Variants in ACCSL observed in about 807,000 individuals in gnomAD.
ACCSL encodes the protein probable inactive 1-aminocyclopropane-1-carboxylate synthase-like protein 2.
Under a neutral mutation model 61.7 loss-of-function variants are expected in ACCSL, and 55 were observed. The observed-to-expected ratio is 0.89, with a 90% CI of 0.72 to 1.12. The LOEUF (loss-of-function observed/expected upper bound fraction) is 1.12. Ranked by LOEUF, ACCSL falls within the 50% of genes most tolerant of loss-of-function variation. ACCSL has a pLI of 0.00. For missense variants in ACCSL, 632 were observed against 698.0 expected (o/e 0.91, Z 1.07); for synonymous variants, 258 against 264.3 (o/e 0.98, Z 0.23).
the ACCSL span, chr11:43,942,360 T>C: frequency 4.7e-6 from 1 of 211,640 alleles, no homozygotes; most frequent in South Asian, 4.8e-5. Context: ...GTCGCGGCGA[T>C]TGAGGGTCCC....
chr11:43,933,320 C>T, the ACCSL span: 1 of 366,914 alleles, frequency 2.7e-6, no homozygotes, highest in South Asian at 2.0e-5. Flanking sequence ...GTCAGATGGA[C>T]CTAGTCCAGA....
At chr11:44,003,822 T>G in the ACCSL span, among the ~76,000 whole-genome samples, 1 of 152,170 alleles carries the variant, frequency 6.6e-6, no homozygotes, top group East Asian at 1.9e-4. Context: ...GAGCCTGACC[T>G]GACTGCTGCC....
intron 3 of ACCSL, 115 bp from the exon 4 acceptor site, chr11:44,051,220 A>C: frequency 1.0e-6 from 1 of 994,936 alleles, no homozygotes; most frequent in Non-Finnish European, 1.6e-6. Flanking sequence ...GTAGCCCTGT[A>C]ATATGAGGTT....
At position 44,059,942 on chromosome 11, in the gene ACCSL, A is replaced by C. The variant is rs1952697638; in HGVS notation, c.*22A>C. 4 of 1,610,610 alleles carry C rather than the reference A, an allele frequency of 2.5e-6. No individual in the cohort carries two copies. The highest frequency in any genetic ancestry group is 3.4e-6 in the Non-Finnish European group (4 of 1,177,476). The stretch of plus-strand genomic sequence containing the variant: ...GTAGGCCGTCTGCCTCCCAACCAGC[A>C]GTTCCAGCCCATCACTTGCTCAGGG... On this transcript the variant is annotated 3_prime_UTR_variant, in exon 14 of 14. Coordinates refer to ENST00000378832, the MANE Select transcript of ACCSL (RefSeq NM_001031854.2).
chr11:43,981,683 G>A, the ACCSL span, among the ~76,000 whole-genome samples: 1 of 152,166 alleles, frequency 6.6e-6, no homozygotes, highest in African/African-American at 2.4e-5. Flanking sequence ...AGGCCCAGAA[G>A]GCCACCTGGG....
intron 2 of ACCSL, 71 bp from the exon 3 acceptor site, chr11:44,050,481 C>A: frequency 7.2e-7 from 1 of 1,382,452 alleles, no homozygotes; most frequent in Non-Finnish European, 1.0e-6. Context: ...CACTCATGTA[C>A]AAACTAGGAG....
At chr11:44,001,219 A>G in the ACCSL span, 1 of 152,122 alleles carries the variant, frequency 6.6e-6, no homozygotes, top group African/African-American at 2.4e-5. Flanking sequence ...CAAGGTGGAA[A>G]CCGGGAACAA....
At chr11:44,010,975 A>G in the ACCSL span, among the ~76,000 whole-genome samples, 1 of 152,224 alleles carries the variant, frequency 6.6e-6, no homozygotes, top group African/African-American at 2.4e-5. Context: ...GCTGGGACAT[A>G]AAAGTCCAAA....
At chr11:44,022,811 T>G in the ACCSL span, among the ~76,000 whole-genome samples, 68 of 152,282 alleles carry the variant, frequency 4.5e-4, 1 homozygote, top group South Asian at 6.6e-3. Flanking sequence ...TTGTGATCGC[T>G]TTGTCTGGCT....
the ACCSL span, among the ~76,000 whole-genome samples, chr11:43,928,553 C>T: frequency 1.3e-5 from 2 of 152,148 alleles, no homozygotes; most frequent in South Asian, 2.1e-4. Flanking sequence ...CTCTGCCAGC[C>T]GCCAGGAGGA....
upstream of ACCSL, among the ~76,000 whole-genome samples, chr11:44,047,003 C>A (rs1952602477): frequency 6.6e-6 from 1 of 152,062 alleles, no homozygotes; most frequent in East Asian, 1.9e-4. Context: ...AGTGATAGAG[C>A]AAGACCCAGT....
chr11:43,928,589 G>A, the ACCSL span, among the ~76,000 whole-genome samples: 9 of 152,288 alleles, frequency 5.9e-5, no homozygotes, highest in South Asian at 6.2e-4. Context: ...GTGAGCCTGC[G>A]AGTGGGGAGC....
At chr11:43,932,817 G>C in the ACCSL span, among the ~76,000 whole-genome samples, 1 of 152,230 alleles carries the variant, frequency 6.6e-6, no homozygotes, top group African/African-American at 2.4e-5. Flanking sequence ...GGCCATGCCA[G>C]GGAAGCTGCT....
At chr11:43,946,851 T>G in the ACCSL span, among the ~76,000 whole-genome samples, 2 of 151,964 alleles carry the variant, frequency 1.3e-5, no homozygotes, top group African/African-American at 2.4e-5. Flanking sequence ...TGCTGCAGTA[T>G]TAGAGGGATC....
the ACCSL span, among the ~76,000 whole-genome samples, chr11:43,931,075 G>C: frequency 1.3e-5 from 2 of 152,150 alleles, no homozygotes; most frequent in Non-Finnish European, 2.9e-5. Flanking sequence ...GTGGCCTTAC[G>C]ACCCCATCAG....
At chr11:43,956,709 G>A in the ACCSL span, among the ~76,000 whole-genome samples, 2 of 152,124 alleles carry the variant, frequency 1.3e-5, no homozygotes, top group African/African-American at 4.8e-5. Flanking sequence ...GTGAGCCACT[G>A]CACCCAGCCT....
the ACCSL span, among the ~76,000 whole-genome samples, chr11:44,028,659 T>C: frequency 1.3e-5 from 2 of 152,118 alleles, no homozygotes; most frequent in East Asian, 3.9e-4. Context: ...CAGACAAAGC[T>C]TCTGCACCCA....
chr11:44,034,957 T>C, the ACCSL span, among the ~76,000 whole-genome samples: 14 of 152,200 alleles, frequency 9.2e-5, no homozygotes, highest in African/African-American at 3.4e-4. Flanking sequence ...CTAAAGTGGC[T>C]ATCCAGGTTT....
At chr11:43,979,909 G>A in the ACCSL span, among the ~76,000 whole-genome samples, 6 of 149,544 alleles carry the variant, frequency 4.0e-5, no homozygotes, top group African/African-American at 1.2e-4. Flanking sequence ...TTACAGAAAT[G>A]TGTAACTTAG....
Sources: gnomAD v4.1 joint callset for allele counts (sites outside exome capture counted in the v4.1 genomes callset) on GRCh38, gnomAD v4.1.1 for gene constraint, MANE v1.5 for transcripts, NCBI Gene and HGNC (gene_info 2026-07-23, HGNC 2026-07-21) for gene names.